Variants in MYH1 observed in about 807,000 individuals in gnomAD.
MYH1 encodes the protein myosin heavy chain 1.
A neutral mutation model predicts 225.6 loss-of-function variants in MYH1; 214 were observed. The ratio of observed to expected loss-of-function variants is 0.95; its 90% CI spans 0.85 to 1.06. The LOEUF (loss-of-function observed/expected upper bound fraction) is 1.06, where lower values mean the gene tolerates loss of function less well. MYH1 is among the 50% of genes least tolerant of loss of function. The pLI, the probability that MYH1 is intolerant of heterozygous loss-of-function variation, is 0.00. For missense variants in MYH1, 2,098 were observed against 2,344.2 expected, an observed-to-expected ratio of 0.89 and a Z score of 2.17; for synonymous variants, 774 against 842.3, an observed-to-expected ratio of 0.92 and a Z score of 1.40.
Position 10,494,359 on chromosome 17 carries a change from C to G in MYH1, c.5662G>C (p.Glu1888Gln), listed in dbSNP as rs1398879315. ...KVKSYKRQAEEAEEQSNVNLS... is the reference protein window; with the variant it reads ...KVKSYKRQAEQAEEQSNVNLS... The stretch of plus-strand genomic sequence containing the variant: ...CCAAGGGGTTGTGAACTCACCGCTT[C>G]TTCAGCTTGTCTCTTGTAGGATTTC... Residue 1888 changes from glutamate to glutamine, a missense_variant, in exon 39 of 40, where the codon GAA becomes CAA. Glu to Gln is a conservative substitution (Grantham distance 29). Transcript: ENST00000226207. The G allele has an allele frequency of 6.8e-6, 11 of 1,613,986 alleles. No homozygotes were observed. Among genetic ancestry groups the G allele is most frequent in the Non-Finnish European group, 9.3e-6 (11 of 1,180,014 alleles).
Position 10,508,368 on chromosome 17 carries a change from T to G in MYH1, c.1892A>C (p.Glu631Ala). Residue 631 changes from glutamate (E) to alanine (A), a missense_variant, in exon 16 of 40, where the codon GAA becomes GCA. Glu to Ala is a moderately radical substitution (Grantham distance 107). Transcript: ENST00000226207. The stretch of plus-strand genomic sequence containing the variant: ...TTAATTATATTGATAATTACCTGCT[T>G]CCGCTCCCGTTGCCCCAACAAAGAG... ...ALLFVGATGA[E>A]AEAGGGKKGG... is the part of the protein sequence containing the mutation. 6.3e-7 allele frequency: 1 copy of G among 1,598,466 alleles called. No homozygotes were observed. Among genetic ancestry groups the G allele is most frequent in the Non-Finnish European group, 8.5e-7 (1 of 1,173,086 alleles).
Position 10,495,760 on chromosome 17 carries a change from C to CAAAAAAAAAAAAAAAAAAAA in MYH1, c.5169+189_5169+190insTTTTTTTTTTTTTTTTTTTT, listed in dbSNP as rs3050883. 8.4e-3 allele frequency among the ~76,000 whole-genome samples: 353 copies of CAAAAAAAAAAAAAAAAAAAA among 42,114 alleles called. 99 individuals are homozygous for CAAAAAAAAAAAAAAAAAAAA. Among genetic ancestry groups the CAAAAAAAAAAAAAAAAAAAA allele is most frequent in the East Asian group, 0.015 (6 of 388 alleles). 27.6% of individuals were successfully genotyped at this position (42,114 alleles called of 152,430 possible). On this transcript the variant is annotated intron_variant, in intron 35 of 39. Coordinates refer to ENST00000226207, the MANE Select transcript of MYH1 (RefSeq NM_005963.4). ...TGAGCGACAGAGCGAGACTCCGTCT[C>CAAAAAAAAAAAAAAAAAAAA]AAAAAAAAAAAAAAAATCAACTATG...
Position 10,494,175 on chromosome 17 carries a change from C to G in MYH1, c.5667+179G>C, listed in dbSNP as rs547880202. On this transcript the variant is annotated intron_variant, in intron 39 of 39. Transcript: ENST00000226207. Reference sequence around the variant, plus strand: ...AAGCTTTGCATTTGCTCTTCCCCATCTCTAGAACATCTTCTGCTGGCTTGT... The same window carrying G: ...AAGCTTTGCATTTGCTCTTCCCCATGTCTAGAACATCTTCTGCTGGCTTGT... Among the ~76,000 whole-genome samples, 133 of 152,342 alleles carry G rather than the reference C, an allele frequency of 8.7e-4. 1 individual carries two copies. Among genetic ancestry groups the G allele is most frequent in the African/African-American group, 3.0e-3 (124 of 41,582 alleles).
chr17:10,511,321 A>G (rs1255396735), intron 14 of MYH1, among the ~76,000 whole-genome samples: 3 of 152,050 alleles, frequency 2.0e-5, no homozygotes, highest in South Asian at 2.1e-4. Context: ...TGCAGAGGTT[A>G]TCCTAATAAT....
chr17:10,508,020 T>G, intron 16 of MYH1, 64 bp from the exon 17 acceptor site: 3 of 1,339,628 alleles, frequency 2.2e-6, no homozygotes, highest in Non-Finnish European at 3.1e-6. Flanking sequence ...TTTTTTTTGT[T>G]TTTTTTTGTT....
rs953973079 is a variant in MYH1 at position 10,498,625 on chromosome 17, C to T, written c.4181+1G>A. On this transcript the variant is annotated splice_donor_variant, in intron 30 of 39. Coordinates refer to ENST00000226207, the MANE Select transcript of MYH1 (RefSeq NM_005963.4). LOFTEE classifies it high-confidence loss of function. Reference sequence around the variant, plus strand: ...CCATTTTAACTAAGTCTGGAACATACTTGGCCTCCTCCAGCTCCTCTGTGC... The same window carrying T: ...CCATTTTAACTAAGTCTGGAACATATTTGGCCTCCTCCAGCTCCTCTGTGC... The T allele has an allele frequency of 6.2e-7, 1 of 1,613,880 alleles. No homozygotes were observed. Among genetic ancestry groups the T allele is most frequent in the Non-Finnish European group, 8.5e-7 (1 of 1,179,876 alleles).
Position 10,512,002 on chromosome 17 carries a change from G to T in MYH1, c.1267-14C>A, listed in dbSNP as rs367952734. ...TGCATTGTACACCTTCACAGATAAA[G>T]TTTGTTGGTGTTATTAAAGACATGT... On this transcript the variant is annotated splice_polypyrimidine_tract_variant and intron_variant, in intron 13 of 39. Coordinates refer to ENST00000226207, the MANE Select transcript of MYH1 (RefSeq NM_005963.4). 23 of 1,614,010 alleles carry T rather than the reference G, an allele frequency of 1.4e-5. No homozygotes were observed. In the African/African-American group the frequency reaches 3.1e-4, roughly 22 times the overall value.
At position 10,497,763 on chromosome 17, in the gene MYH1, G is replaced by C; in HGVS notation, c.4336C>G (p.Leu1446Val). The C allele has an allele frequency of 6.2e-7, 1 of 1,613,912 alleles. No individual in the cohort carries two copies. Among genetic ancestry groups the C allele is most frequent in the Non-Finnish European group, 8.5e-7 (1 of 1,179,964 alleles). ...VERTNAACAA[L>V]DKKQRNFDKI... is the part of the protein sequence containing the mutation. The stretch of plus-strand genomic sequence containing the variant: ...TCAAAGTTCCTTTGCTTTTTGTCCA[G>C]GGCGGCACAGGCAGCATTTGTCCTC... Residue 1446 changes from leucine (L) to valine (V), a missense_variant, in exon 31 of 40, where the codon CTG (leucine) becomes GTG (valine). By Grantham distance (32) the Leu-to-Val change is conservative. Coordinates refer to ENST00000226207, the MANE Select transcript of MYH1 (RefSeq NM_005963.4).
In MYH1 at chr17:10,508,580, A is replaced by G; in HGVS notation, c.1680T>C (p.Leu560=). 6.2e-7 allele frequency: 1 copy of G among 1,614,196 alleles called. No individual in the cohort carries two copies. Among genetic ancestry groups the G allele is most frequent in the Non-Finnish European group, 8.5e-7 (1 of 1,180,034 alleles). The part of the protein sequence containing the change: ...SFKNKLYEQH[L]GKSNNFQKPK... ...GCTTCTGGAAGTTATTGGATTTTCC[A>G]AGATGTTGTTCATACAGCTTGTTCT... The change falls in exon 16 of 40, where the codon CTT becomes CTC. Residue 560 remains leucine, a synonymous_variant. Transcript: ENST00000226207.
chr17:10,504,762 G>A, intron 22 of MYH1, 48 bp downstream of exon 22: 1 of 1,603,440 alleles, frequency 6.2e-7, no homozygotes, highest in Non-Finnish European at 8.5e-7. Context: ...TGACCACTGA[G>A]CTGAAGTTTT....
rs68047947 is a variant in MYH1, at chr17:10,508,019, T to TTC, written c.1898-64_1898-63insGA. On this transcript the variant is annotated intron_variant, in intron 16 of 39. Coordinates refer to ENST00000226207, the MANE Select transcript of MYH1 (RefSeq NM_005963.4). The stretch of plus-strand genomic sequence containing the variant: ...CTCTGGTTATGGTTTTTTTTTTTTG[T>TTC]TTTTTTTTGTTTTTTTTGACGAAGT... 17 of 1,225,992 alleles carry TTC rather than the reference T, an allele frequency of 1.4e-5. No homozygotes were observed. In the Admixed American group the frequency reaches 4.6e-4, roughly 33 times the overall value. The allele number at this position is 1,225,992 out of a possible 1,614,324, so 75.9% of individuals were successfully genotyped here.
intron 2 of MYH1, 60 bp from the exon 3 acceptor site, chr17:10,516,742 T>C (rs2073234174): frequency 5.6e-6 from 8 of 1,418,140 alleles, no homozygotes; most frequent in Non-Finnish European, 6.7e-6. Flanking sequence ...GATTCACATT[T>C]AAAACTTTAA....
chr17:10,497,252 C>A lies in MYH1; in HGVS notation c.4531+35G>T, dbSNP rs759811890. The A allele has an allele frequency of 1.3e-5, 21 of 1,591,272 alleles. No individual in the cohort carries two copies. In the South Asian group the frequency reaches 2.2e-4, roughly 17 times the overall value. ...ATAGTTGGAAAAGATTCTTTCAAAT[C>A]TTTTATTGTTAAAGAAAAGGTAAAA... On this transcript the variant is annotated intron_variant, in intron 32 of 39. Transcript: ENST00000226207.
intron 35 of MYH1, 112 bp from the exon 36 acceptor site, chr17:10,495,429 CCTT>C (rs1316281753): frequency 1.5e-6 from 2 of 1,366,494 alleles, no homozygotes; most frequent in East Asian, 4.7e-5. Context: ...TAATATTCCT[CCTT>C]GTTTCATAAA....
intron 39 of MYH1, among the ~76,000 whole-genome samples, chr17:10,493,800 G>A (rs2072959185): frequency 1.3e-5 from 2 of 152,090 alleles, no homozygotes; most frequent in Non-Finnish European, 2.9e-5. Context: ...TAGCAATCTT[G>A]TAGTTTCTAC....
chr17:10,511,661 C>T (rs2073170864), intron 14 of MYH1, among the ~76,000 whole-genome samples, 178 bp downstream of exon 14: 1 of 152,196 alleles, frequency 6.6e-6, no homozygotes, highest in Non-Finnish European at 1.5e-5. Flanking sequence ...AGGTCTGTCT[C>T]ATTCCAAAGT....
In MYH1 at chr17:10,503,354, G is replaced by T. The variant is rs551584225; in HGVS notation, c.2692-106C>A. ...CAAGTAAATTGTTTTAAGCCTTCAG[G>T]TTAATTTTTATTAGCTTTCTACCAT... On this transcript the variant is annotated intron_variant, in intron 22 of 39. Coordinates refer to ENST00000226207, the MANE Select transcript of MYH1 (RefSeq NM_005963.4). 60 of 1,465,666 alleles carry T rather than the reference G, an allele frequency of 4.1e-5. No homozygotes were observed. The African/African-American group carries it at 5.6e-4, about 14-fold the overall frequency. 90.8% of individuals were successfully genotyped at this position (1,465,666 alleles called of 1,614,324 possible).
At chr17:10,495,352 C>T (rs1358602573) in intron 35 of MYH1, 35 bp from the exon 36 acceptor site, 1 of 1,610,636 alleles carries the variant, frequency 6.2e-7, no homozygotes, top group Non-Finnish European at 8.5e-7. Context: ...ATATTAGGCA[C>T]ATGAGAGAAA....
Position 10,501,233 on chromosome 17 carries a change from G to C in MYH1, c.3615C>G (p.Ala1205=). The change falls in exon 27 of 40, where the codon GCC becomes GCG. Residue 1205 remains alanine (A), a synonymous_variant. Coordinates refer to ENST00000226207, the MANE Select transcript of MYH1 (RefSeq NM_005963.4). ...GGTTGTCAATCTGCTCCCCAAGCTC[G>C]GCCACACTATCTGCATGCTTCTTCC... is the stretch of plus-strand genomic sequence containing the variant. The part of the protein sequence containing the change: ...TLRKKHADSV[A]ELGEQIDNLQ... 3.1e-6 allele frequency: 5 copies of C among 1,614,090 alleles called. No homozygotes were observed. Among genetic ancestry groups the C allele is most frequent in the African/African-American group, 1.3e-5 (1 of 75,014 alleles).
Sources: allele counts gnomAD v4.1 joint callset (sites outside exome capture counted in the v4.1 genomes callset), GRCh38; gene constraint gnomAD v4.1.1; transcripts MANE v1.5; gene names NCBI Gene and HGNC (gene_info 2026-07-23, HGNC 2026-07-21).